The following MRTFA variants were observed in gnomAD, a reference collection of about 807,000 sequenced individuals.
MRTFA encodes myocardin related transcription factor A.
Under a neutral mutation model 83.5 loss-of-function variants are expected in MRTFA, and 20 were observed. That is an observed-to-expected ratio of 0.24 (90% confidence interval 0.17 to 0.35). MRTFA has a LOEUF of 0.35. MRTFA is among the 10% of genes least tolerant of loss of function. The probability of loss-of-function intolerance (pLI) is 1.00; values close to 1 mark genes in which losing one functional copy is unlikely to be tolerated. For synonymous variants in MRTFA, 659 were observed against 541.2 expected (o/e 1.22, Z -3.02); for missense variants, 1,200 against 1,224.7 (o/e 0.98, Z 0.30).
At chr22:40,546,403 C>CT in intron 3 of MRTFA, among the ~76,000 whole-genome samples, 1 of 152,108 alleles carries the variant, frequency 6.6e-6, no homozygotes, top group African/African-American at 2.4e-5. Flanking sequence ...GTTTAAAAAG[C>CT]CGGAAAAAGG....
intron 2 of MRTFA, chr22:40,569,331 C>T: frequency 4.6e-6 from 1 of 216,908 alleles, no homozygotes. Flanking sequence ...TACAGGACTG[C>T]CCCTTTTGAC....
chr22:40,543,614 G>A (rs1446230702), intron 3 of MRTFA, among the ~76,000 whole-genome samples: 1 of 152,014 alleles, frequency 6.6e-6, no homozygotes, highest in Non-Finnish European at 1.5e-5. Context: ...TTTGTAAAAG[G>A]CAACATTTAC....
At chr22:40,425,656 GC>G (rs1165217676) in intron 7 of MRTFA, among the ~76,000 whole-genome samples, 7 of 152,194 alleles carry the variant, frequency 4.6e-5, no homozygotes, top group Admixed American at 2.0e-4. Context: ...ACAGAACAGG[GC>G]TTGCTGACCA....
chr22:40,538,990 G>A lies in MRTFA; in HGVS notation c.241+13116C>T, dbSNP rs5757995. 8.4e-5 allele frequency among the ~76,000 whole-genome samples: 10 copies of A among 119,350 alleles called. 1 individual carries two copies. The East Asian group carries it at 1.2e-3, about 14-fold the overall frequency. 78.3% of individuals were successfully genotyped at this position (119,350 alleles called of 152,430 possible). A position where few individuals can be genotyped will look rare whatever the true frequency, so the allele number is the denominator to read the frequency against. Reference sequence around the variant, plus strand: ...TATACTGCAGGATACACAGCCTTTTGTTTTTTTTTTTTTTTTTTTTTTGAG... The same window carrying A: ...TATACTGCAGGATACACAGCCTTTTATTTTTTTTTTTTTTTTTTTTTTGAG... On this transcript the variant is annotated intron_variant, in intron 3 of 14. Coordinates refer to ENST00000355630, the MANE Select transcript of MRTFA (RefSeq NM_020831.6).
intron 3 of MRTFA, among the ~76,000 whole-genome samples, chr22:40,505,976 G>A (rs2054574026): frequency 6.6e-6 from 1 of 152,238 alleles, no homozygotes; most frequent in Admixed American, 6.5e-5. Flanking sequence ...GCTCACACCT[G>A]TAATCCAGGC....
Position 40,538,985 on chromosome 22 carries a change from C to CTTTTTTTTTTTTTTTTTTTTTTTTT in MRTFA, c.241+13120_241+13121insAAAAAAAAAAAAAAAAAAAAAAAAA, listed in dbSNP as rs201694198. 4.7e-5 allele frequency among the ~76,000 whole-genome samples: 5 copies of CTTTTTTTTTTTTTTTTTTTTTTTTT among 106,888 alleles called. 2 individuals are homozygous for CTTTTTTTTTTTTTTTTTTTTTTTTT. Among genetic ancestry groups the CTTTTTTTTTTTTTTTTTTTTTTTTT allele is most frequent in the African/African-American group, 3.8e-5 (1 of 26,250 alleles). 70.1% of individuals were successfully genotyped at this position (106,888 alleles called of 152,430 possible). A position where few individuals can be genotyped will look rare whatever the true frequency, so the allele number is the denominator to read the frequency against. On this transcript the variant is annotated intron_variant, in intron 3 of 14. Coordinates refer to ENST00000355630, the MANE Select transcript of MRTFA (RefSeq NM_020831.6). ...GACATTATACTGCAGGATACACAGC[C>CTTTTTTTTTTTTTTTTTTTTTTTTT]TTTTGTTTTTTTTTTTTTTTTTTTT... is the stretch of plus-strand genomic sequence containing the variant.
At chr22:40,574,429 T>C (rs2055839806) in intron 2 of MRTFA, among the ~76,000 whole-genome samples, 1 of 148,712 alleles carries the variant, frequency 6.7e-6, no homozygotes, top group African/African-American at 2.4e-5. Context: ...GCATTAGTTA[T>C]TATTATTATT....
rs1261362875 is a variant in MRTFA, at chr22:40,501,985, A to AC, written c.242-38700dup. Among the ~76,000 whole-genome samples, 159 of 105,966 alleles carry AC rather than the reference A, an allele frequency of 1.5e-3. 1 individual carries two copies. Among genetic ancestry groups the AC allele is most frequent in the African/African-American group, 5.9e-3 (145 of 24,754 alleles). 69.5% of individuals were successfully genotyped at this position (105,966 alleles called of 152,430 possible). ...GGGCGGCTGGCCGGGCGGGGGGCTG[A>AC]CCCCCCCACCTCCCTCCCGGACGGG... On this transcript the variant is annotated intron_variant, in intron 3 of 14. Coordinates refer to ENST00000355630, the MANE Select transcript of MRTFA (RefSeq NM_020831.6).
chr22:40,424,166 C>G (rs1259060887), intron 8 of MRTFA, 40 bp downstream of exon 8: 3 of 1,558,804 alleles, frequency 1.9e-6, no homozygotes, highest in Admixed American at 4.1e-5. Context: ...GCAGCCCTAG[C>G]ACCTTGGAGC....
At chr22:40,517,080 G>T (rs1237186838) in intron 3 of MRTFA, among the ~76,000 whole-genome samples, 1 of 152,046 alleles carries the variant, frequency 6.6e-6, no homozygotes, top group Middle Eastern at 3.4e-3. Context: ...GCACTGCCAC[G>T]CCTGGCTAAT....
chr22:40,621,615 AT>A (rs2056524213), intron 1 of MRTFA, among the ~76,000 whole-genome samples: 1 of 152,182 alleles, frequency 6.6e-6, no homozygotes, highest in Non-Finnish European at 1.5e-5. Context: ...ACGATGGTAA[AT>A]TTTAACACAA....
intron 3 of MRTFA, among the ~76,000 whole-genome samples, chr22:40,467,710 T>G (rs867209789): frequency 1.2e-4 from 18 of 150,958 alleles, no homozygotes; most frequent in African/African-American, 4.1e-4. Context: ...TTTAGGAGAG[T>G]AGGAATTTTG....
chr22:40,515,384 A>C (rs1309030496), intron 3 of MRTFA, among the ~76,000 whole-genome samples: 1 of 152,060 alleles, frequency 6.6e-6, no homozygotes, highest in Non-Finnish European at 1.5e-5. Context: ...AAAAACCCCC[A>C]AAAATCTCAT....
At chr22:40,582,776 C>T (rs1346915578) in intron 2 of MRTFA, among the ~76,000 whole-genome samples, 2 of 152,042 alleles carry the variant, frequency 1.3e-5, no homozygotes, top group East Asian at 1.9e-4. Context: ...GTAAACCTAC[C>T]TAACATATGA....
chr22:40,511,715 T>C (rs181518596), intron 3 of MRTFA, among the ~76,000 whole-genome samples: 241 of 152,318 alleles, frequency 1.6e-3, no homozygotes, highest in African/African-American at 5.0e-3. Context: ...TTCATGGCAC[T>C]GTGGCAAGTG....
chr22:40,602,059 TC>T (rs1353526233), intron 1 of MRTFA, among the ~76,000 whole-genome samples: 1 of 152,142 alleles, frequency 6.6e-6, no homozygotes, highest in Non-Finnish European at 1.5e-5. Context: ...CCCTGGAATG[TC>T]CCAAAACAAG....
Position 40,567,085 on chromosome 22 carries a change from G to T in MRTFA, c.-21-14718C>A, listed in dbSNP as rs193057896. Among the ~76,000 whole-genome samples, 5 of 152,242 alleles carry T rather than the reference G, an allele frequency of 3.3e-5. No homozygotes were observed. In the East Asian group the frequency reaches 9.7e-4, roughly 29 times the overall value. On this transcript the variant is annotated intron_variant, in intron 2 of 14. Coordinates refer to ENST00000355630, the MANE Select transcript of MRTFA (RefSeq NM_020831.6). ...ATTATTATCTGTCCTATCATGAAGG[G>T]TCTTATAAGAAGGTACTCTGAAAAG...
chr22:40,459,780 T>TACACACAC (rs1490741833), intron 4 of MRTFA, among the ~76,000 whole-genome samples: 6 of 80,824 alleles, frequency 7.4e-5, no homozygotes, highest in Non-Finnish European at 9.9e-5. Flanking sequence ...ACTGATAAAA[T>TACACACAC]ATACACACAC....
At chr22:40,421,248 C>G in intron 9 of MRTFA, 148 bp from the exon 10 acceptor site, 1 of 903,990 alleles carries the variant, frequency 1.1e-6, no homozygotes, top group Non-Finnish European at 1.6e-6. Flanking sequence ...TGGGACCGTA[C>G]ACCCCGTGAA....
Sources: allele counts gnomAD v4.1 joint callset (sites outside exome capture counted in the v4.1 genomes callset), GRCh38; gene constraint gnomAD v4.1.1; transcripts MANE v1.5; gene names NCBI Gene and HGNC (gene_info 2026-07-23, HGNC 2026-07-21).